MED12: variants seen among roughly 807,000 people sequenced by gnomAD.
MED12 encodes mediator complex subunit 12.
Under a neutral mutation model 177.7 loss-of-function variants are expected in MED12, and 10 were observed. The observed-to-expected ratio is 0.06, with a 90% CI of 0.03 to 0.10. The LOEUF is 0.10. Among genes scored for constraint, MED12 ranks in the 10% least tolerant of loss-of-function variants. The pLI is 1.00. For missense variants in MED12, 867 were observed against 1,780.8 expected, an observed-to-expected ratio of 0.49 and a Z score of 9.23; for synonymous variants, 641 against 678.4, an observed-to-expected ratio of 0.94 and a Z score of 0.86.
At position 71,121,829 on chromosome X, in the gene MED12, C is replaced by T. The variant is rs780907010; in HGVS notation, c.1101+13C>T. On this transcript the variant is annotated intron_variant, in intron 7 of 44. Transcript: ENST00000374080. ...CTGTATCCTACAGGTAGGTACTAGG[C>T]GGGCCCAAGGAAGCATTGAGAGATA... The T allele has an allele frequency of 1.6e-5, 19 of 1,210,290 alleles. No homozygotes were observed. The highest frequency in any genetic ancestry group is 3.5e-5 in the South Asian group (2 of 56,861).
chrX:71,137,516 A>G, intron 39 of MED12, 42 bp from the exon 40 acceptor site: 1 of 1,175,978 alleles, frequency 8.5e-7, no homozygotes, highest in Non-Finnish European at 1.2e-6. Context: ...AGATGGCAGC[A>G]AGCATTTCCT....
chrX:71,142,344 T>G lies in MED12; in HGVS notation c.*126T>G. 1.5e-6 allele frequency: 1 copy of G among 672,878 alleles called. No homozygotes were observed. Among genetic ancestry groups the G allele is most frequent in the Non-Finnish European group, 2.3e-6 (1 of 433,216 alleles). 55.5% of individuals were successfully genotyped at this position (672,878 alleles called of 1,213,427 possible). The stretch of plus-strand genomic sequence containing the variant: ...CCCCTCAGGCTCCATTTTTAATAAG[T>G]TTTTAGTATTTTTGTTAATGTGAGG... On this transcript the variant is annotated 3_prime_UTR_variant, in exon 45 of 45. Coordinates refer to ENST00000374080, the MANE Select transcript of MED12 (RefSeq NM_005120.3).
chrX:71,132,547 G>A lies in MED12; in HGVS notation c.4415+9G>A. 8.5e-7 allele frequency: 1 copy of A among 1,173,848 alleles called. No individual in the cohort carries two copies. The highest frequency in any genetic ancestry group is 1.1e-6 in the Non-Finnish European group (1 of 876,049). ...CGACAAAAGCAGAAGAGGTAAAGGG[G>A]CTTAGGGAGTGGACCAAGATTGAGG... On this transcript the variant is annotated intron_variant, in intron 31 of 44. Coordinates refer to ENST00000374080, the MANE Select transcript of MED12 (RefSeq NM_005120.3).
chrX:71,125,176 TG>T (rs2092299664), intron 15 of MED12, 30 bp downstream of exon 15: 1 of 1,204,431 alleles, frequency 8.3e-7, no homozygotes, highest in Non-Finnish European at 1.1e-6. Context: ...TGTGATGATC[TG>T]TTTTGAACCC....
Position 71,123,333 on chromosome X carries a change from G to A in MED12, c.1617+107G>A, listed in dbSNP as rs949997445. 28 of 1,069,151 alleles carry A rather than the reference G, an allele frequency of 2.6e-5. No homozygotes were observed. The African/African-American group carries it at 3.7e-4, about 14-fold the overall frequency. 88.1% of individuals were successfully genotyped at this position (1,069,151 alleles called of 1,213,427 possible). A position where few individuals can be genotyped will look rare whatever the true frequency, so the allele number is the denominator to read the frequency against. On this transcript the variant is annotated intron_variant, in intron 11 of 44. Transcript: ENST00000374080. ...GGAGGGACCAGAGTTGAAGGTGTGAGAACAGAGTAAAGAAGCAAAAGAGAA... is the reference window on the plus strand; with the variant it reads ...GGAGGGACCAGAGTTGAAGGTGTGAAAACAGAGTAAAGAAGCAAAAGAGAA...
rs2092327973 is a variant in MED12, at chrX:71,134,794, A to G, written c.4809A>G (p.Gln1603=). Residue 1603 remains glutamine (Q), a synonymous_variant, in exon 35 of 45, where the codon CAA becomes CAG. Transcript: ENST00000374080. ...TLAADMSSIS[Q]GSMEENKRAY... is the part of the protein sequence containing the mutation. ...CTGCAGACATGTCTAGCATCTCGCA[A>G]GGTAGCATGGAGGAAAACAAGCGTG... is the stretch of plus-strand genomic sequence containing the variant. 4 of 1,211,261 alleles carry G rather than the reference A, an allele frequency of 3.3e-6. No homozygotes were observed. Among genetic ancestry groups the G allele is most frequent in the Non-Finnish European group, 4.5e-6 (4 of 895,411 alleles).
intron 17 of MED12, 129 bp from the exon 18 acceptor site, chrX:71,125,907 T>TTCCC (rs1399655565): frequency 1.4e-5 from 7 of 505,337 alleles, no homozygotes; most frequent in Non-Finnish European, 2.5e-5. Context: ...TCTTCCTTCC[T>TTCCC]TCCCTCCCTC....
Position 71,119,388 on chromosome X carries a change from T to G in MED12, c.115T>G (p.Leu39Val). The G allele has an allele frequency of 1.7e-6, 2 of 1,196,450 alleles. No homozygotes were observed. Among genetic ancestry groups the G allele is most frequent in the South Asian group, 3.7e-5 (2 of 54,764 alleles). ...CCTGCCTCAGGATGAACTGACGGCC[T>G]TGAATGTAAAACAAGGTTTCAATAA... ...PKQKEDELTA[L>V]NVKQGFNNQP... Residue 39 changes from leucine (L) to valine (V), a missense_variant, in exon 2 of 45, where the codon TTG becomes GTG. Around this residue, in one of 14 missense-constraint regions of MED12, gnomAD observed 42 missense variants for 129.6 expected, o/e 0.32. Transcript: ENST00000374080.
Position 71,124,305 on chromosome X carries a change from C to T in MED12, c.1891C>T (p.Pro631Ser), listed in dbSNP as rs778208176. The T allele has an allele frequency of 8.3e-7, 1 of 1,208,028 alleles. No individual in the cohort carries two copies. Residue 631 changes from proline to serine, a missense_variant, in exon 13 of 45, where the codon CCC (proline) becomes TCC (serine). Around this residue, in one of 14 missense-constraint regions of MED12, gnomAD observed 309 missense variants for 556.3 expected, o/e 0.56. Transcript: ENST00000374080. ...RGDLAFGAPG[P>S]RPPSPFDDPA... ...GGACCTTGCCTTTGGAGCCCCTGGT[C>T]CCCGGCCTCCCTCTCCCTTTGATGA...
At chrX:71,118,966 G>T (rs2092282049) in intron 1 of MED12, 113 bp downstream of exon 1, 5 of 475,628 alleles carry the variant, frequency 1.1e-5, no homozygotes, top group South Asian at 2.9e-5. Flanking sequence ...CAAAAGTCCC[G>T]AAAGGGGGAA....
intron 28 of MED12, among the ~76,000 whole-genome samples, chrX:71,130,492 G>A (rs1467717604): frequency 8.9e-6 from 1 of 112,741 alleles, no homozygotes; most frequent in African/African-American, 3.2e-5. Context: ...AGGCCTAGGT[G>A]TGGGCCGTGT....
At chrX:71,140,974 CG>C (rs1264167357) in intron 42 of MED12, 117 bp downstream of exon 42, 26 of 1,158,579 alleles carry the variant, frequency 2.2e-5, no homozygotes, top group African/African-American at 5.4e-5. Flanking sequence ...CCTAGCAGAG[CG>C]GCTGGCCTCT....
Position 71,132,059 on chromosome X carries a change from T to C in MED12, c.4120-14T>C, listed in dbSNP as rs1463790068. 8.3e-7 allele frequency: 1 copy of C among 1,209,194 alleles called. No individual in the cohort carries two copies. The highest frequency in any genetic ancestry group is 3.0e-5 in the East Asian group (1 of 33,837). On this transcript the variant is annotated splice_polypyrimidine_tract_variant and intron_variant, in intron 29 of 44. Transcript: ENST00000374080. Reference sequence around the variant, plus strand: ...TACCTATTTTAGCACTTCTGTGCCTTTCATCCTCCCCAGGAGATGAACTCC... The same window carrying C: ...TACCTATTTTAGCACTTCTGTGCCTCTCATCCTCCCCAGGAGATGAACTCC...
intron 44 of MED12, 71 bp downstream of exon 44, chrX:71,142,035 T>C (rs957692071): frequency 8.8e-7 from 1 of 1,137,106 alleles, no homozygotes. Context: ...CCAAAGTAGC[T>C]GAAACGATAG....
chrX:71,128,217 G>C, intron 22 of MED12, 79 bp from the exon 23 acceptor site: 1 of 1,197,380 alleles, frequency 8.4e-7, no homozygotes, highest in East Asian at 3.0e-5. Flanking sequence ...ATTATTTAGT[G>C]GGGCAGAGAT....
In MED12 at chrX:71,121,175, T is replaced by C. The variant is rs1364482305; in HGVS notation, c.735+23T>C. 6 of 1,207,490 alleles carry C rather than the reference T, an allele frequency of 5.0e-6. No individual in the cohort carries two copies. The African/African-American group carries it at 1.1e-4, about 21-fold the overall frequency. On this transcript the variant is annotated intron_variant, in intron 5 of 44. Coordinates refer to ENST00000374080, the MANE Select transcript of MED12 (RefSeq NM_005120.3). Reference sequence around the variant, plus strand: ...CAGGTAGAGAGTAGGGCATGCTGTGTGGGGCATTGGGTTGAGCTTGAACTT... The same window carrying C: ...CAGGTAGAGAGTAGGGCATGCTGTGCGGGGCATTGGGTTGAGCTTGAACTT...
Position 71,135,241 on chromosome X carries a change from C to T in MED12, c.5013C>T (p.Ile1671=), listed in dbSNP as rs1569482185. 4 of 1,212,020 alleles carry T rather than the reference C, an allele frequency of 3.3e-6. No individual in the cohort carries two copies. The highest frequency in any genetic ancestry group is 4.5e-6 in the Non-Finnish European group (4 of 895,590). ...ACAAGATTGCTGGCTTCGATTCCAT[C>T]TTCAAGAAGGAGGCATGTTCCATTG... The part of the protein sequence containing the change: ...KGNKIAGFDS[I]FKKEGLQVST... Residue 1671 remains isoleucine, a synonymous_variant, in exon 36 of 45, where the codon ATC becomes ATT. Transcript: ENST00000374080.
At position 71,118,661 on chromosome X, in the gene MED12, A is replaced by T; in HGVS notation, c.-94A>T. The T allele has an allele frequency of 2.4e-6, 2 of 837,493 alleles. No individual in the cohort carries two copies. Among genetic ancestry groups the T allele is most frequent in the South Asian group, 4.3e-5 (2 of 46,081 alleles). 69.0% of individuals were successfully genotyped at this position (837,493 alleles called of 1,213,427 possible). On this transcript the variant is annotated 5_prime_UTR_variant, in exon 1 of 45. Coordinates refer to ENST00000374080, the MANE Select transcript of MED12 (RefSeq NM_005120.3). ...GTTGTCTCTCGGCCGCCGTCCTCTC[A>T]ACCACCGCCCCCCTTTTCGGCTCCC...
At chrX:71,131,078 T>G (rs1278968020) in intron 28 of MED12, among the ~76,000 whole-genome samples, 1 of 111,181 alleles carries the variant, frequency 9.0e-6, no homozygotes, top group Non-Finnish European at 1.9e-5. Flanking sequence ...TGAACTATTT[T>G]AAAAATTGGA....
Sources: allele counts gnomAD v4.1 joint callset (sites outside exome capture counted in the v4.1 genomes callset), GRCh38; gene constraint gnomAD v4.1.1; regional missense constraint gnomAD v4.1.1; transcripts MANE v1.5; gene names NCBI Gene and HGNC (gene_info 2026-07-23, HGNC 2026-07-21).